The following HIP1R variants were observed in gnomAD, a reference collection of about 807,000 sequenced individuals.
HIP1R encodes huntingtin-interacting protein 1-related protein.
A neutral mutation model predicts 144.2 loss-of-function variants in HIP1R; 135 were observed. The observed-to-expected ratio is 0.94, with a 90% CI of 0.81 to 1.08. The LOEUF is 1.08. Ranked by LOEUF, HIP1R falls within the 50% of genes least tolerant of loss-of-function variation. The pLI is 0.00. For synonymous variants in HIP1R, 698 were observed against 612.8 expected (o/e 1.14, Z -2.05); for missense variants, 1,462 against 1,432.8 (o/e 1.02, Z -0.33).
chr12:122,855,906 G>GT lies in HIP1R; in HGVS notation c.1128+3_1128+4insT. 1.3e-6 allele frequency: 2 copies of GT among 1,549,864 alleles called. No homozygotes were observed. Among genetic ancestry groups the GT allele is most frequent in the Non-Finnish European group, 1.8e-6 (2 of 1,142,120 alleles). ...AACTGGAGAAGATCAAGCTGGAGGT[G>GT]CGGGGTGGGGATGGGTGGGGGCCAG... is the stretch of plus-strand genomic sequence containing the variant. On this transcript the variant is annotated splice_donor_region_variant and intron_variant, in intron 13 of 31. Coordinates refer to ENST00000253083, the MANE Select transcript of HIP1R (RefSeq NM_003959.3).
At chr12:122,851,125 C>A in intron 6 of HIP1R, 111 bp from the exon 7 acceptor site, 2 of 1,025,346 alleles carry the variant, frequency 2.0e-6, no homozygotes, top group South Asian at 1.7e-5. Flanking sequence ...CGCTGTCTCA[C>A]CAGAGCCATG....
chr12:122,860,825 C>T (rs2033747269), intron 28 of HIP1R, 41 bp downstream of exon 28: 1 of 1,602,068 alleles, frequency 6.2e-7, no homozygotes, highest in Admixed American at 1.7e-5. Context: ...GGCTCTGGGC[C>T]CAGCTTGGCC....
rs1210472707 is a variant in HIP1R at position 122,858,412 on chromosome 12, C to T, written c.2027C>T (p.Ala676Val). Residue 676 changes from alanine (A) to valine (V), a missense_variant, in exon 20 of 32, where the codon GCC (alanine) becomes GTC (valine). Physicochemically the swap from Ala to Val is moderately conservative, Grantham distance 64 (BLOSUM62 0). Transcript: ENST00000253083. ...DAVSTLEEGHAQYLTSLADAS... is the reference protein window; with the variant it reads ...DAVSTLEEGHVQYLTSLADAS... The stretch of plus-strand genomic sequence containing the variant: ...GTGAGCACCCTGGAGGAGGGCCACG[C>T]CCAGTACCTGACCTCCTTGGCAGGT... 6.2e-7 allele frequency: 1 copy of T among 1,609,772 alleles called. No individual in the cohort carries two copies. The highest frequency in any genetic ancestry group is 2.2e-5 in the East Asian group (1 of 44,818).
chr12:122,853,832 C>G, intron 7 of HIP1R: 1 of 523,870 alleles, frequency 1.9e-6, no homozygotes, highest in East Asian at 3.3e-5. Flanking sequence ...AGCTCCTTTG[C>G]CCTGACCTTG....
intron 12 of HIP1R, 44 bp downstream of exon 12, chr12:122,855,656 G>A (rs1217325713): frequency 3.9e-6 from 6 of 1,543,456 alleles, no homozygotes; most frequent in South Asian, 2.4e-5. Flanking sequence ...GGTTGGAAAC[G>A]GGCTCAGCTG....
At position 122,856,512 on chromosome 12, in the gene HIP1R, C is replaced by G; in HGVS notation, c.1482C>G (p.Phe494Leu). 1.3e-6 allele frequency: 2 copies of G among 1,597,370 alleles called. No individual in the cohort carries two copies. Among genetic ancestry groups the G allele is most frequent in the South Asian group, 2.3e-5 (2 of 88,792 alleles). Residue 494 changes from phenylalanine to leucine, a missense_variant, in exon 16 of 32, where the codon TTC (phenylalanine) becomes TTG (leucine). Phe to Leu is a conservative substitution (Grantham distance 22, BLOSUM62 0). Around this residue, in one of 2 missense-constraint regions of HIP1R, gnomAD observed 1,112 missense variants for 1,011.7 expected, o/e 1.10. Transcript: ENST00000253083. The part of the protein sequence containing the change: ...EVARVKEQLA[F>L]QVEQVKRESE... ...CGCGGGTGAAGGAGCAGCTGGCCTT[C>G]CAGGTGGAGCAGGTGAAGCGGGAGT...
At chr12:122,857,429 C>A (rs1446745457) in intron 18 of HIP1R, 11 of 613,090 alleles carry the variant, frequency 1.8e-5, no homozygotes, top group Non-Finnish European at 3.2e-5. Flanking sequence ...ATGGCTGAGT[C>A]GTACTCTGCC....
chr12:122,851,525 C>T (rs2033394075), intron 7 of HIP1R, among the ~76,000 whole-genome samples: 1 of 152,006 alleles, frequency 6.6e-6, no homozygotes, highest in Non-Finnish European at 1.5e-5. Context: ...TGGTGAAACC[C>T]TGTCTCTACT....
intron 1 of HIP1R, 23 bp downstream of exon 1, chr12:122,835,666 GCGGCGGGCGGCGGC>G: frequency 9.9e-7 from 1 of 1,007,470 alleles, no homozygotes; most frequent in African/African-American, 2.2e-5. Flanking sequence ...CGGGCGGCGG[GCGGCGGGCGGCGGC>G]GGGCGGGCGG....
chr12:122,859,366 G>A, intron 22 of HIP1R, 60 bp from the exon 23 acceptor site: 2 of 1,527,864 alleles, frequency 1.3e-6, no homozygotes, highest in Non-Finnish European at 1.8e-6. Context: ...CTCTTTCCCA[G>A]GCTGCCCGTG....
rs2033653049 is a variant in HIP1R at position 122,858,193 on chromosome 12, A to G, written c.1907A>G (p.Gln636Arg). 1.9e-6 allele frequency: 3 copies of G among 1,608,462 alleles called. No individual in the cohort carries two copies. Among genetic ancestry groups the G allele is most frequent in the South Asian group, 1.1e-5 (1 of 90,828 alleles). The change falls in exon 19 of 32, where the codon CAG becomes CGG. Residue 636 changes from glutamine to arginine, a missense_variant. Gln to Arg is a conservative substitution (Grantham distance 43). Around this residue, in one of 2 missense-constraint regions of HIP1R, gnomAD observed 1,112 missense variants for 1,011.7 expected, o/e 1.10. Transcript: ENST00000253083. Reference sequence around the variant, plus strand: ...GCTGCCGAGGCCGCGGGCATCCTGCAGGATGCCGTGAGCAAGCTGGACGAC... The same window carrying G: ...GCTGCCGAGGCCGCGGGCATCCTGCGGGATGCCGTGAGCAAGCTGGACGAC... ...GAAAEAAGIL[Q>R]DAVSKLDDPL...
At chr12:122,835,278 A>T, upstream of HIP1R, 1 of 241,960 alleles carries the variant, frequency 4.1e-6, no homozygotes, top group Non-Finnish European at 5.3e-6. Context: ...GCGTGTCCCG[A>T]GATCGCGGGG....
intron 1 of HIP1R, among the ~76,000 whole-genome samples, chr12:122,843,812 C>A (rs10847869): frequency 1.3e-5 from 2 of 152,132 alleles, no homozygotes; most frequent in Non-Finnish European, 2.9e-5. Context: ...CCTCCAACTC[C>A]CTTCTGCAAG....
intron 1 of HIP1R, 125 bp downstream of exon 1, chr12:122,835,768 G>T (rs1223333049): frequency 2.0e-6 from 1 of 507,324 alleles, no homozygotes; most frequent in African/African-American, 2.1e-5. Flanking sequence ...GGACGGCGCG[G>T]GGGCAGGGCC....
At chr12:122,852,967 TC>T (rs146226721) in intron 7 of HIP1R, among the ~76,000 whole-genome samples, 3 of 151,876 alleles carry the variant, frequency 2.0e-5, no homozygotes, top group Non-Finnish European at 4.4e-5. Flanking sequence ...TTCTTGCCCC[TC>T]CCCCCCAGGC....
Position 122,862,401 on chromosome 12 carries a change from AGTGAG to A in HIP1R, c.*654_*658del, listed in dbSNP as rs1237993717. 2.0e-5 allele frequency: 3 copies of A among 151,782 alleles called. No individual in the cohort carries two copies. The highest frequency in any genetic ancestry group is 2.0e-4 in the Admixed American group (3 of 15,248). 9.4% of individuals were successfully genotyped at this position (151,782 alleles called of 1,614,324 possible). A position where few individuals can be genotyped will look rare whatever the true frequency, so the allele number is the denominator to read the frequency against. On this transcript the variant is annotated 3_prime_UTR_variant, in exon 32 of 32. Coordinates refer to ENST00000253083, the MANE Select transcript of HIP1R (RefSeq NM_003959.3). ...TGCTGGAAGGGGCCGCTTTCTGGGGAGTGAGGTGAGACATAGCGGCCCGGGCGCTG... is the reference window on the plus strand; with the variant it reads ...TGCTGGAAGGGGCCGCTTTCTGGGGAGTGAGACATAGCGGCCCGGGCGCTG...
In HIP1R at chr12:122,848,821, G is replaced by A. The variant is rs1205862978; in HGVS notation, c.326G>A (p.Arg109His). ...PNVLHDCQRY[R>H]SNIREIGDLW... is the part of the protein sequence containing the mutation. ...GTGCTGCATGACTGCCAGCGGTACC[G>A]CAGCAACATCCGGGAGATTGGAGAC... The change falls in exon 4 of 32, where the codon CGC becomes CAC. Residue 109 changes from arginine (R) to histidine (H), a missense_variant. This residue lies in a region of HIP1R where 350 missense variants were observed against 421.1 expected (regional missense o/e 0.83). Coordinates refer to ENST00000253083, the MANE Select transcript of HIP1R (RefSeq NM_003959.3). 3 of 1,613,274 alleles carry A rather than the reference G, an allele frequency of 1.9e-6. No homozygotes were observed. Among genetic ancestry groups the A allele is most frequent in the East Asian group, 2.2e-5 (1 of 44,882 alleles).
Position 122,860,999 on chromosome 12 carries a change from G to C in HIP1R, c.2850G>C (p.Val950=), listed in dbSNP as rs750364643. Residue 950 remains valine, a synonymous_variant, in exon 29 of 32, where the codon GTG becomes GTC. Coordinates refer to ENST00000253083, the MANE Select transcript of HIP1R (RefSeq NM_003959.3). ...RTVNERAANV[V]ASTKSGQEQI... ...TCAATGAGAGGGCTGCCAATGTGGT[G>C]GCCTCCACCAAGTCAGGCCAGGAGC... 6.3e-5 allele frequency: 101 copies of C among 1,613,596 alleles called. No individual in the cohort carries two copies. The highest frequency in any genetic ancestry group is 8.5e-5 in the Non-Finnish European group (100 of 1,180,028).
In HIP1R at chr12:122,850,282, T is replaced by C. The variant is rs1405740069; in HGVS notation, c.438+327T>C. Reference sequence around the variant, plus strand: ...CCTCCACTGCCCTCTGCCACCTATGTGGGCCACAGCCTGGGTCTGCCAAGA... The same window carrying C: ...CCTCCACTGCCCTCTGCCACCTATGCGGGCCACAGCCTGGGTCTGCCAAGA... On this transcript the variant is annotated intron_variant, in intron 5 of 31. Transcript: ENST00000253083. 5 of 520,242 alleles carry C rather than the reference T, an allele frequency of 9.6e-6. No homozygotes were observed. The Admixed American group carries it at 1.1e-4, about 12-fold the overall frequency. The allele number at this position is 520,242 out of a possible 1,614,324, so 32.2% of individuals were successfully genotyped here. A position where few individuals can be genotyped will look rare whatever the true frequency, so the allele number is the denominator to read the frequency against.
Sources: gnomAD v4.1 joint callset for allele counts (sites outside exome capture counted in the v4.1 genomes callset) on GRCh38, gnomAD v4.1.1 for gene constraint, gnomAD v4.1.1 regional missense constraint, MANE v1.5 for transcripts, NCBI Gene and HGNC (gene_info 2026-07-23, HGNC 2026-07-21) for gene names.